Variants in FOXO1 observed in about 807,000 individuals in gnomAD.
FOXO1 encodes the protein forkhead box O1.
A neutral mutation model predicts 44.1 loss-of-function variants in FOXO1; 6 were observed. The observed-to-expected ratio is 0.14, with a 90% CI of 0.07 to 0.27. FOXO1 has a LOEUF of 0.27. Among genes scored for constraint, FOXO1 ranks in the 10% least tolerant of loss-of-function variants. The pLI is 1.00. For missense variants in FOXO1, 737 were observed against 888.8 expected, an observed-to-expected ratio of 0.83 and a Z score of 2.17; for synonymous variants, 380 against 362.7, an observed-to-expected ratio of 1.05 and a Z score of -0.54.
At chr13:40,636,789 C>T (rs1877172430) in intron 1 of FOXO1, among the ~76,000 whole-genome samples, 1 of 152,056 alleles carries the variant, frequency 6.6e-6, no homozygotes, top group Non-Finnish European at 1.5e-5. Context: ...GCCACCACAC[C>T]TGGCCAAAAA....
chr13:40,605,507 C>T (rs529502727), intron 1 of FOXO1, among the ~76,000 whole-genome samples: 3 of 152,324 alleles, frequency 2.0e-5, no homozygotes, highest in South Asian at 2.1e-4. Flanking sequence ...CCAGCCTTAA[C>T]TCCAATCACA....
At chr13:40,661,562 G>A (rs1878038122) in intron 1 of FOXO1, among the ~76,000 whole-genome samples, 1 of 151,840 alleles carries the variant, frequency 6.6e-6, no homozygotes, top group Non-Finnish European at 1.5e-5. Context: ...CTCCCAAAGT[G>A]CTGGGATTAC....
intron 1 of FOXO1, among the ~76,000 whole-genome samples, chr13:40,614,482 C>T (rs997891688): frequency 1.3e-5 from 2 of 152,142 alleles, no homozygotes; most frequent in African/African-American, 2.4e-5. Context: ...AAAACATGGT[C>T]AATGACGTTT....
chr13:40,662,594 T>C (rs1262097969), intron 1 of FOXO1, among the ~76,000 whole-genome samples: 1 of 152,228 alleles, frequency 6.6e-6, no homozygotes, highest in Admixed American at 6.5e-5. Flanking sequence ...CCTTCAAATA[T>C]AACCAGCACT....
At chr13:40,576,372 G>A (rs1044081742) in intron 1 of FOXO1, among the ~76,000 whole-genome samples, 3 of 152,264 alleles carry the variant, frequency 2.0e-5, no homozygotes, top group South Asian at 2.1e-4. Flanking sequence ...AGAGCAAAGC[G>A]CCAAACCTGT....
chr13:40,563,331 G>C (rs1874118136), intron 1 of FOXO1, among the ~76,000 whole-genome samples: 1 of 152,130 alleles, frequency 6.6e-6, no homozygotes, highest in African/African-American at 2.4e-5. Flanking sequence ...AAAATGGAGG[G>C]GTCTCACTTT....
intron 1 of FOXO1, among the ~76,000 whole-genome samples, chr13:40,644,947 C>A (rs1877464296): frequency 6.6e-6 from 1 of 152,210 alleles, no homozygotes; most frequent in African/African-American, 2.4e-5. Flanking sequence ...GGCAGGAAGG[C>A]TGCAGAATTT....
intron 1 of FOXO1, among the ~76,000 whole-genome samples, chr13:40,636,773 G>A (rs966869152): frequency 6.6e-6 from 1 of 152,018 alleles, no homozygotes; most frequent in Non-Finnish European, 1.5e-5. Flanking sequence ...GGGATTACAG[G>A]CGTGAGCCAC....
In FOXO1 at chr13:40,560,299, T is replaced by C. The variant is rs1873946587; in HGVS notation, c.1192A>G (p.Met398Val). 1.2e-6 allele frequency: 2 copies of C among 1,614,172 alleles called. No homozygotes were observed. Among genetic ancestry groups the C allele is most frequent in the Non-Finnish European group, 1.7e-6 (2 of 1,180,032 alleles). The change falls in exon 2 of 3, where the codon ATG (methionine) becomes GTG (valine). Residue 398 changes from methionine to valine, a missense_variant. Physicochemically the swap from Met to Val is conservative, Grantham distance 21. Around this residue, in one of 7 missense-constraint regions of FOXO1, gnomAD observed 283 missense variants for 278.1 expected, o/e 1.02. Transcript: ENST00000379561. The surrounding 1 kb of genome is among the most constrained non-coding windows in gnomAD (Gnocchi z 5.1). Reference sequence around the variant, plus strand: ...GAGTAGCACGGCGTCTGCTGCATCATGGTGCCAGGTGAGGACTGGGTCGAA... The same window carrying C: ...GAGTAGCACGGCGTCTGCTGCATCACGGTGCCAGGTGAGGACTGGGTCGAA... ...TVSTQSSPGT[M>V]MQQTPCYSFA...
At chr13:40,592,652 C>T (rs1170993768) in intron 1 of FOXO1, among the ~76,000 whole-genome samples, 1 of 152,230 alleles carries the variant, frequency 6.6e-6, no homozygotes, top group African/African-American at 2.4e-5. Context: ...TATTTTGTCT[C>T]ACACTTTGTC....
intron 1 of FOXO1, among the ~76,000 whole-genome samples, chr13:40,565,146 T>C (rs367714216): frequency 3.9e-5 from 6 of 152,360 alleles, no homozygotes; most frequent in African/African-American, 1.2e-4. Flanking sequence ...AAGGAAGATA[T>C]GGTGTCTTAC....
At chr13:40,613,053 A>G (rs1325954718) in intron 1 of FOXO1, among the ~76,000 whole-genome samples, 3 of 152,248 alleles carry the variant, frequency 2.0e-5, no homozygotes, top group African/African-American at 7.2e-5. Context: ...AACTTTAATC[A>G]GCCACAATTT....
At chr13:40,614,639 T>G (rs1208222373) in intron 1 of FOXO1, among the ~76,000 whole-genome samples, 1 of 152,170 alleles carries the variant, frequency 6.6e-6, no homozygotes, top group African/African-American at 2.4e-5. Flanking sequence ...ACAAGGATAG[T>G]GATGCTCCCC....
intron 1 of FOXO1, among the ~76,000 whole-genome samples, chr13:40,623,880 G>A (rs1010054751): frequency 2.0e-5 from 3 of 148,360 alleles, no homozygotes; most frequent in East Asian, 4.1e-4. Flanking sequence ...GGCAGGAGGA[G>A]TTTGAGACCA....
chr13:40,627,029 C>A (rs1327189048), intron 1 of FOXO1, among the ~76,000 whole-genome samples: 1 of 152,220 alleles, frequency 6.6e-6, no homozygotes, highest in African/African-American at 2.4e-5. Context: ...CCAGTTTTAT[C>A]TTTAAACCTC....
intron 1 of FOXO1, among the ~76,000 whole-genome samples, chr13:40,613,889 A>T (rs1349272994): frequency 6.6e-6 from 1 of 152,182 alleles, no homozygotes; most frequent in African/African-American, 2.4e-5. Context: ...TTGTTTTTCT[A>T]AGAACCTGTG....
chr13:40,577,380 C>T (rs750246683), intron 1 of FOXO1, among the ~76,000 whole-genome samples: 4 of 152,204 alleles, frequency 2.6e-5, no homozygotes, highest in Non-Finnish European at 5.9e-5. Context: ...TAACTGCTTC[C>T]TTTCCTTCCT....
chr13:40,650,500 G>A (rs1877644731), intron 1 of FOXO1, among the ~76,000 whole-genome samples: 1 of 152,116 alleles, frequency 6.6e-6, no homozygotes, highest in Non-Finnish European at 1.5e-5. Context: ...TCTCAATTAA[G>A]CTGAACAGAT....
Position 40,560,817 on chromosome 13 carries a change from C to T in FOXO1, c.674G>A (p.Arg225His), listed in dbSNP as rs1873980630. 2 of 1,613,176 alleles carry T rather than the reference C, an allele frequency of 1.2e-6. No homozygotes were observed. Among genetic ancestry groups the T allele is most frequent in the East Asian group, 2.2e-5 (1 of 44,878 alleles). ...TTTTCCAGTTCCTTCATTCTGCACA[C>T]GAATGAACTTGCTGTGTAGGGACAG... ...HNLSLHSKFI[R>H]VQNEGTGKSS... The change falls in exon 2 of 3, where the codon CGT (arginine) becomes CAT (histidine). Residue 225 changes from arginine (R) to histidine (H), a missense_variant. By Grantham distance (29) the Arg-to-His change is conservative. Around this residue, in one of 7 missense-constraint regions of FOXO1, gnomAD observed 8 missense variants for 31.2 expected, o/e 0.26. Coordinates refer to ENST00000379561, the MANE Select transcript of FOXO1 (RefSeq NM_002015.4). The surrounding 1 kb of genome is among the most constrained non-coding windows in gnomAD (Gnocchi z 5.1).
Sources: allele counts gnomAD v4.1 joint callset (sites outside exome capture counted in the v4.1 genomes callset), GRCh38; gene constraint gnomAD v4.1.1; regional missense constraint gnomAD v4.1.1; non-coding constraint Gnocchi (gnomAD v3.1); transcripts MANE v1.5; gene names NCBI Gene and HGNC (gene_info 2026-07-23, HGNC 2026-07-21).